MAN1A2: variants seen among roughly 807,000 people sequenced by gnomAD.
MAN1A2 encodes mannosyl-oligosaccharide 1,2-alpha-mannosidase IB.
In MAN1A2, 26 loss-of-function variants were observed where a neutral mutation model predicts 75.7. That is an observed-to-expected ratio of 0.34 (90% CI 0.25 to 0.48). The LOEUF (loss-of-function observed/expected upper bound fraction) is 0.48, where lower values mean the gene tolerates loss of function less well. Among genes scored for constraint, MAN1A2 ranks in the 20% least tolerant of loss-of-function variants. The pLI is 0.99. For missense variants in MAN1A2, 562 were observed against 775.5 expected (o/e 0.72, Z 3.27); for synonymous variants, 247 against 264.6 (o/e 0.93, Z 0.65).
chr1:117,468,778 A>G (rs542644865), intron 8 of MAN1A2, among the ~76,000 whole-genome samples: 3 of 152,156 alleles, frequency 2.0e-5, no homozygotes, highest in African/African-American at 7.2e-5. Flanking sequence ...CCTGACATAG[A>G]TAAATGACAT....
intron 12 of MAN1A2, among the ~76,000 whole-genome samples, chr1:117,509,607 G>A (rs543844922): frequency 6.6e-6 from 1 of 151,994 alleles, no homozygotes; most frequent in South Asian, 2.1e-4. Flanking sequence ...TAGTGTTTGA[G>A]TTAGAACAAG....
At chr1:117,373,933 A>G (rs1280408784) in intron 1 of MAN1A2, among the ~76,000 whole-genome samples, 1 of 152,122 alleles carries the variant, frequency 6.6e-6, no homozygotes, top group Non-Finnish European at 1.5e-5. Context: ...TTTTAAGTGA[A>G]AGCAAGTTTA....
intron 11 of MAN1A2, 108 bp downstream of exon 11, chr1:117,499,662 GT>G (rs954672672): frequency 4.2e-6 from 3 of 722,078 alleles, no homozygotes; most frequent in Non-Finnish European, 6.0e-6. Flanking sequence ...CTGTAGGGCA[GT>G]TTTTATTTAT....
intron 12 of MAN1A2, among the ~76,000 whole-genome samples, chr1:117,522,352 A>G (rs1205839612): frequency 6.6e-6 from 1 of 151,924 alleles, no homozygotes; most frequent in Non-Finnish European, 1.5e-5. Flanking sequence ...TTGAAAATCA[A>G]TGAACTAAAA....
chr1:117,453,457 G>T (rs1330541215), intron 6 of MAN1A2, among the ~76,000 whole-genome samples: 1 of 152,132 alleles, frequency 6.6e-6, no homozygotes, highest in Admixed American at 6.6e-5. Context: ...AGTCCTCATG[G>T]GTGATTTTGA....
At chr1:117,502,207 AC>A (rs1651223733) in intron 11 of MAN1A2, among the ~76,000 whole-genome samples, 1 of 148,382 alleles carries the variant, frequency 6.7e-6, no homozygotes, top group Non-Finnish European at 1.5e-5. Context: ...TTCAAATGTG[AC>A]TGTATTTAAA....
At chr1:117,380,625 A>G (rs971339323) in intron 1 of MAN1A2, among the ~76,000 whole-genome samples, 1 of 152,090 alleles carries the variant, frequency 6.6e-6, no homozygotes, top group East Asian at 1.9e-4. Flanking sequence ...TGAAGAGACA[A>G]ATTTTCCCCT....
chr1:117,496,722 A>G (rs1189240648), intron 9 of MAN1A2, 41 bp from the exon 10 acceptor site: 2 of 1,390,970 alleles, frequency 1.4e-6, no homozygotes, highest in Non-Finnish European at 2.0e-6. Context: ...GAACACTAAT[A>G]GTTTGCATCT....
intron 12 of MAN1A2, among the ~76,000 whole-genome samples, chr1:117,512,165 A>G (rs1430245670): frequency 6.6e-6 from 1 of 152,266 alleles, no homozygotes; most frequent in East Asian, 1.9e-4. Context: ...CAAAGAATTG[A>G]TAAAGCAAGA....
Position 117,368,360 on chromosome 1 carries a change from C to A in MAN1A2, c.177C>A (p.Asp59Glu). The A allele has an allele frequency of 6.2e-7, 1 of 1,614,118 alleles. No individual in the cohort carries two copies. Among genetic ancestry groups the A allele is most frequent in the Non-Finnish European group, 8.5e-7 (1 of 1,180,012 alleles). Reference protein sequence around the residue: ...LCFGAFFFLPDSSKHKRFDLG... With the variant: ...LCFGAFFFLPESSKHKRFDLG... The stretch of plus-strand genomic sequence containing the variant: ...TTGGGGCATTCTTTTTCCTTCCAGA[C>A]TCTTCAAAACACAAACGCTTTGATT... Residue 59 changes from aspartate (D) to glutamate (E), a missense_variant, in exon 1 of 13, where the codon GAC (aspartate) becomes GAA (glutamate). Coordinates refer to ENST00000356554, the MANE Select transcript of MAN1A2 (RefSeq NM_006699.5).
At chr1:117,516,372 A>G (rs1259705695) in intron 12 of MAN1A2, among the ~76,000 whole-genome samples, 1 of 152,192 alleles carries the variant, frequency 6.6e-6, no homozygotes, top group African/African-American at 2.4e-5. Flanking sequence ...ACAGAAAGGA[A>G]CTAGTCATCA....
chr1:117,504,373 T>C (rs559113372), intron 12 of MAN1A2, among the ~76,000 whole-genome samples: 1 of 151,242 alleles, frequency 6.6e-6, no homozygotes. Flanking sequence ...ATTATTTGTG[T>C]CTTTTCACCT....
intron 1 of MAN1A2, among the ~76,000 whole-genome samples, chr1:117,370,686 G>A (rs1373341922): frequency 6.6e-6 from 1 of 151,202 alleles, no homozygotes; most frequent in African/African-American, 2.4e-5. Context: ...TTTGGGTATG[G>A]GTCAGAACTT....
chr1:117,460,665 T>G, intron 7 of MAN1A2, 53 bp downstream of exon 7: 2 of 1,519,918 alleles, frequency 1.3e-6, no homozygotes, highest in South Asian at 2.7e-5. Context: ...CCTTTAAGAT[T>G]GGCCCAAAGA....
intron 3 of MAN1A2, among the ~76,000 whole-genome samples, chr1:117,409,781 C>G (rs1647746641): frequency 6.6e-6 from 1 of 151,926 alleles, no homozygotes; most frequent in South Asian, 2.1e-4. Context: ...TTAGGAGCAC[C>G]ACTAAAGTCC....
intron 3 of MAN1A2, among the ~76,000 whole-genome samples, chr1:117,412,490 G>A (rs1272965777): frequency 6.6e-6 from 1 of 151,166 alleles, no homozygotes; most frequent in East Asian, 1.9e-4. Flanking sequence ...ATCCATTTCT[G>A]CCTTTAGTTT....
At position 117,501,896 on chromosome 1, in the gene MAN1A2, G is replaced by A. The variant is rs538006362; in HGVS notation, c.1678-959G>A. On this transcript the variant is annotated intron_variant, in intron 11 of 12. Coordinates refer to ENST00000356554, the MANE Select transcript of MAN1A2 (RefSeq NM_006699.5). Reference sequence around the variant, plus strand: ...TTGGATGACCTTGCAGGGTTAGGTAGAATAGAAAAACAAAACTACCACATG... The same window carrying A: ...TTGGATGACCTTGCAGGGTTAGGTAAAATAGAAAAACAAAACTACCACATG... 5.3e-5 allele frequency among the ~76,000 whole-genome samples: 8 copies of A among 151,898 alleles called. No individual in the cohort carries two copies. The South Asian group carries it at 1.7e-3, about 32-fold the overall frequency.
chr1:117,417,557 A>ATATATATATATATATATATG (rs1214425551), intron 4 of MAN1A2, among the ~76,000 whole-genome samples: 4 of 140,746 alleles, frequency 2.8e-5, no homozygotes, highest in African/African-American at 1.1e-4. Flanking sequence ...ATATATATAT[A>ATATATATATATATATATATG]TGTGATATAT....
Position 117,496,953 on chromosome 1 carries a change from G to A in MAN1A2, c.1475G>A (p.Arg492His), listed in dbSNP as rs202087279. ...TTAGAGCTAGGGGCAGAAATTGCAC[G>A]TACTTGTCATGAGTCATATGACAGA... is the stretch of plus-strand genomic sequence containing the variant. ...HYLELGAEIA[R>H]TCHESYDRTA... The change falls in exon 10 of 13, where the codon CGT becomes CAT. Residue 492 changes from arginine to histidine, a missense_variant. Arg to His is a conservative substitution (Grantham distance 29, BLOSUM62 0). This residue lies in a region of MAN1A2 where 434 missense variants were observed against 645.7 expected (regional missense o/e 0.67). Coordinates refer to ENST00000356554, the MANE Select transcript of MAN1A2 (RefSeq NM_006699.5). 1.5e-4 allele frequency: 235 copies of A among 1,612,022 alleles called. 1 individual carries two copies. The highest frequency in any genetic ancestry group is 6.6e-5 in the South Asian group (6 of 90,966).
Sources: gnomAD v4.1 joint callset for allele counts (sites outside exome capture counted in the v4.1 genomes callset) on GRCh38, gnomAD v4.1.1 for gene constraint, gnomAD v4.1.1 regional missense constraint, MANE v1.5 for transcripts, NCBI Gene and HGNC (gene_info 2026-07-23, HGNC 2026-07-21) for gene names.